PCNX2: variants seen among roughly 807,000 people sequenced by gnomAD.
PCNX2 encodes the protein pecanex 2, also known as pecanex-like protein 2.
In PCNX2, 168 loss-of-function variants were observed where a neutral mutation model predicts 223.8. The observed-to-expected ratio is 0.75, with a 90% confidence interval of 0.66 to 0.85. The LOEUF is 0.85. PCNX2 is among the 40% of genes least tolerant of loss of function. The pLI, the probability that PCNX2 is intolerant of heterozygous loss-of-function variation, is 0.00. For synonymous variants in PCNX2, 1,006 were observed against 1,052.6 expected, an observed-to-expected ratio of 0.96 and a Z score of 0.86; for missense variants, 2,507 against 2,675.5, an observed-to-expected ratio of 0.94 and a Z score of 1.39.
intron 25 of PCNX2, among the ~76,000 whole-genome samples, chr1:233,044,196 T>C (rs1671746332): frequency 6.6e-6 from 1 of 152,248 alleles, no homozygotes; most frequent in African/African-American, 2.4e-5. Flanking sequence ...TTTGGCTGCA[T>C]AAATGTCTTC....
intron 10 of PCNX2, 121 bp from the exon 11 acceptor site, chr1:233,218,305 G>A: frequency 2.3e-6 from 2 of 881,296 alleles, no homozygotes; most frequent in South Asian, 1.9e-5. Flanking sequence ...CTGGAGTGCA[G>A]TGGCATGATC....
intron 8 of PCNX2, among the ~76,000 whole-genome samples, chr1:233,245,824 G>A (rs1659078754): frequency 2.0e-5 from 3 of 152,282 alleles, no homozygotes; most frequent in Admixed American, 2.0e-4. Context: ...GCTGAGGCAG[G>A]AGAATCACTT....
At chr1:233,053,592 AGAG>A (rs1221321951) in intron 25 of PCNX2, among the ~76,000 whole-genome samples, 2 of 152,234 alleles carry the variant, frequency 1.3e-5, no homozygotes, top group African/African-American at 2.4e-5. Flanking sequence ...TGCCTGATAC[AGAG>A]GAGATGTTCA....
chr1:233,178,000 A>G, intron 16 of PCNX2, 102 bp from the exon 17 acceptor site: 1 of 790,368 alleles, frequency 1.3e-6, no homozygotes, highest in East Asian at 2.6e-5. Context: ...TGACAAAAAC[A>G]AGTGCTCTCT....
At chr1:233,287,046 T>G (rs1224841853) in intron 1 of PCNX2, among the ~76,000 whole-genome samples, 2 of 152,234 alleles carry the variant, frequency 1.3e-5, no homozygotes, top group African/African-American at 2.4e-5. Flanking sequence ...CATATTTTTA[T>G]CTGGGATATG....
intron 23 of PCNX2, among the ~76,000 whole-genome samples, chr1:233,064,647 AG>A (rs1329893230): frequency 1.3e-5 from 2 of 152,178 alleles, no homozygotes; most frequent in Admixed American, 6.5e-5. Context: ...AGGCAGTGAT[AG>A]TGGGTTTTGC....
intron 33 of PCNX2, 39 bp from the exon 34 acceptor site, chr1:232,984,516 AACGTTCACT>A: frequency 6.3e-7 from 1 of 1,591,294 alleles, no homozygotes; most frequent in East Asian, 2.2e-5. Context: ...CAGCTCAGCA[AACGTTCACT>A]ACCCACTTCT....
chr1:233,036,192 A>G (rs945768182), intron 25 of PCNX2, among the ~76,000 whole-genome samples: 1 of 151,690 alleles, frequency 6.6e-6, no homozygotes, highest in Non-Finnish European at 1.5e-5. Context: ...TTCTACCCAC[A>G]CTCATTTTCC....
At chr1:233,101,562 T>C (rs1229536192) in intron 21 of PCNX2, among the ~76,000 whole-genome samples, 1 of 152,194 alleles carries the variant, frequency 6.6e-6, no homozygotes, top group Non-Finnish European at 1.5e-5. Flanking sequence ...ATAGGCTTCA[T>C]GGAGCATGGT....
intron 15 of PCNX2, among the ~76,000 whole-genome samples, chr1:233,196,861 A>C (rs1206783064): frequency 6.6e-6 from 1 of 152,214 alleles, no homozygotes; most frequent in East Asian, 1.9e-4. Flanking sequence ...GTATTCACTT[A>C]GGATAAATAA....
At position 233,069,328 on chromosome 1, in the gene PCNX2, G is replaced by T. The variant is rs537416909; in HGVS notation, c.4077-12038C>A. On this transcript the variant is annotated intron_variant, in intron 23 of 33. Transcript: ENST00000258229. ...CAGACAGAAAATCAACGATAATATA[G>T]AAGAACTCAGTAACACTATCAACCA... Among the ~76,000 whole-genome samples, 3 of 152,138 alleles carry T rather than the reference G, an allele frequency of 2.0e-5. No homozygotes were observed. In the South Asian group the frequency reaches 6.2e-4, roughly 32 times the overall value.
chr1:233,118,213 T>C (rs1411189541), intron 21 of PCNX2, among the ~76,000 whole-genome samples: 3 of 151,818 alleles, frequency 2.0e-5, no homozygotes, highest in Admixed American at 1.3e-4. Context: ...CTTAGAAAAA[T>C]AGGAATAGAA....
At chr1:233,053,175 G>A (rs865860910) in intron 25 of PCNX2, among the ~76,000 whole-genome samples, 2 of 151,944 alleles carry the variant, frequency 1.3e-5, no homozygotes, top group Middle Eastern at 3.4e-3. Context: ...TGACACTGGC[G>A]GGGAGATCTC....
chr1:233,093,302 C>T (rs967135841), intron 22 of PCNX2, among the ~76,000 whole-genome samples: 3 of 152,152 alleles, frequency 2.0e-5, no homozygotes, highest in African/African-American at 7.2e-5. Flanking sequence ...AGGTTACAAG[C>T]TCAGAAGCTA....
chr1:232,986,497 C>T lies in PCNX2; in HGVS notation c.5835G>A (p.Ala1945=), dbSNP rs180951321. The T allele has an allele frequency of 1.3e-5, 21 of 1,580,042 alleles. No individual in the cohort carries two copies. The highest frequency in any genetic ancestry group is 9.4e-5 in the African/African-American group (7 of 74,214). ...GRSQSVQAHS[A]LSQRPPMLSS... is the part of the protein sequence containing the mutation. The stretch of plus-strand genomic sequence containing the variant: ...TCAGCATGGGCGGCCTTTGGCTTAG[C>T]GCTGAGTGTGCCTGCACGGACTGGC... The change falls in exon 33 of 34, where the codon GCG becomes GCA. Residue 1945 remains alanine (A), a synonymous_variant. Transcript: ENST00000258229.
intron 23 of PCNX2, among the ~76,000 whole-genome samples, chr1:233,083,807 A>G (rs1272712824): frequency 6.6e-6 from 1 of 152,164 alleles, no homozygotes; most frequent in Non-Finnish European, 1.5e-5. Flanking sequence ...TTTATAGGGC[A>G]CCTCACAGCA....
intron 15 of PCNX2, 73 bp downstream of exon 15, chr1:233,198,866 C>G: frequency 7.2e-7 from 1 of 1,387,544 alleles, no homozygotes; most frequent in Non-Finnish European, 1.0e-6. Context: ...TTGGAAAAAA[C>G]ATTCATTTGT....
chr1:233,209,743 A>G (rs754936730), intron 12 of PCNX2, among the ~76,000 whole-genome samples: 11 of 152,332 alleles, frequency 7.2e-5, no homozygotes, highest in Middle Eastern at 3.4e-3. Flanking sequence ...AGTCTTAAGA[A>G]TACTTGTACT....
intron 22 of PCNX2, among the ~76,000 whole-genome samples, chr1:233,092,609 A>T (rs1673926105): frequency 6.6e-6 from 1 of 152,130 alleles, no homozygotes; most frequent in East Asian, 1.9e-4. Flanking sequence ...CTCTGGGCAA[A>T]TATGAAAGTC....
Sources: gnomAD v4.1 joint callset for allele counts (sites outside exome capture counted in the v4.1 genomes callset) on GRCh38, gnomAD v4.1.1 for gene constraint, MANE v1.5 for transcripts, NCBI Gene and HGNC (gene_info 2026-07-23, HGNC 2026-07-21) for gene names.